The following ZNF527 variants were observed in gnomAD, a reference collection of about 807,000 sequenced individuals.
ZNF527 encodes zinc finger protein 527.
A neutral mutation model predicts 13.5 loss-of-function variants in ZNF527; 5 were observed. The ratio of observed to expected loss-of-function variants is 0.37; its 90% CI spans 0.19 to 0.78. The LOEUF is 0.78. Ranked by LOEUF, ZNF527 falls within the 30% of genes least tolerant of loss-of-function variation. The probability of loss-of-function intolerance (pLI) is 0.48; values close to 1 mark genes in which losing one functional copy is unlikely to be tolerated. For missense variants in ZNF527, 628 were observed against 726.4 expected, an observed-to-expected ratio of 0.86 and a Z score of 1.56; for synonymous variants, 209 against 243.1, an observed-to-expected ratio of 0.86 and a Z score of 1.30.
At chr19:37,373,441 A>G (rs2040574825) in intron 1 of ZNF527, among the ~76,000 whole-genome samples, 2 of 152,150 alleles carry the variant, frequency 1.3e-5, no homozygotes, top group Admixed American at 1.3e-4. Context: ...TTATTTATTC[A>G]TTTATCTAAT....
intron 2 of ZNF527, among the ~76,000 whole-genome samples, chr19:37,378,178 C>A (rs1193194649): frequency 1.3e-5 from 2 of 152,020 alleles, no homozygotes; most frequent in Non-Finnish European, 2.9e-5. Context: ...CAGGCACATA[C>A]CACCATGTCC....
rs1050024983 is a variant in ZNF527, at chr19:37,386,140, C to CTTTTTTT, written c.257-2150_257-2144dup. Among the ~76,000 whole-genome samples, 433 of 72,432 alleles carry CTTTTTTT rather than the reference C, an allele frequency of 6.0e-3. 53 individuals are homozygous for CTTTTTTT. The highest frequency in any genetic ancestry group is 0.024 in the African/African-American group (355 of 14,824). 47.5% of individuals were successfully genotyped at this position (72,432 alleles called of 152,430 possible). ...TAGAACTTTCTTTTCTCTTCTTTTC[C>CTTTTTTT]TTTTTTTTTTTTTTTTTTTTTTGAG... On this transcript the variant is annotated intron_variant, in intron 4 of 4. Transcript: ENST00000436120.
chr19:37,385,584 G>T (rs1267211617), intron 4 of ZNF527: 1 of 368,046 alleles, frequency 2.7e-6, no homozygotes, highest in Non-Finnish European at 4.8e-6. Flanking sequence ...TTTTGTCCAA[G>T]TTTATTTAAA....
intron 1 of ZNF527, 142 bp from the exon 2 acceptor site, chr19:37,374,016 C>T (rs1288481928): frequency 2.0e-6 from 1 of 495,086 alleles, no homozygotes; most frequent in East Asian, 3.3e-5. Flanking sequence ...TTGGATTCCA[C>T]CCCGCCACCC....
chr19:37,389,964 T>C lies in ZNF527; in HGVS notation c.*85T>C. The C allele has an allele frequency of 6.9e-7, 1 of 1,457,856 alleles. No homozygotes were observed. Among genetic ancestry groups the C allele is most frequent in the East Asian group, 2.3e-5 (1 of 43,802 alleles). The allele number at this position is 1,457,856 out of a possible 1,614,324, so 90.3% of individuals were successfully genotyped here. On this transcript the variant is annotated 3_prime_UTR_variant, in exon 5 of 5. Transcript: ENST00000436120. ...TGAGTTCTTTTTGGTTAGTAATTCT[T>C]TGAATGTAGTTCATATTTCAGTTCA...
In ZNF527 at chr19:37,389,409, C is replaced by T. The variant is rs1484242594; in HGVS notation, c.1360C>T (p.Arg454Cys). Residue 454 changes from arginine (R) to cysteine (C), a missense_variant, in exon 5 of 5, where the codon CGC (arginine) becomes TGC (cysteine). Arg to Cys is a radical substitution (Grantham distance 180). Around this residue, in one of 3 missense-constraint regions of ZNF527, gnomAD observed 592 missense variants for 678.0 expected, o/e 0.87. Transcript: ENST00000436120. ...CSECGKTFGY[R>C]SHLNQHQRIH... The stretch of plus-strand genomic sequence containing the variant: ...TGAATGTGGGAAGACCTTTGGCTAT[C>T]GCTCACACCTGAATCAACATCAGAG... 1.2e-5 allele frequency: 19 copies of T among 1,613,144 alleles called. No homozygotes were observed. The highest frequency in any genetic ancestry group is 1.4e-5 in the Non-Finnish European group (17 of 1,179,826).
intron 4 of ZNF527, chr19:37,385,771 A>C (rs893703976): frequency 6.5e-6 from 1 of 153,640 alleles, no homozygotes; most frequent in Admixed American, 6.5e-5. Flanking sequence ...ATTTTGTAGG[A>C]CTTTTTTTGT....
chr19:37,381,313 T>C (rs564883498), intron 4 of ZNF527, among the ~76,000 whole-genome samples: 59 of 152,328 alleles, frequency 3.9e-4, no homozygotes, highest in Non-Finnish European at 7.1e-4. Flanking sequence ...ACATATTAGG[T>C]GATCTATCCA....
At position 37,374,164 on chromosome 19, in the gene ZNF527, GTTC is replaced by G. The variant is rs750236944; in HGVS notation, c.-28_-26del. The G allele has an allele frequency of 1.4e-4, 225 of 1,609,772 alleles. No individual in the cohort carries two copies. Among genetic ancestry groups the G allele is most frequent in the Non-Finnish European group, 1.8e-4 (215 of 1,176,280 alleles). ...ATTAACTCTCCCTTCTCAGGACTTT[GTTC>G]TTCTTCAGAAGAGAAAACTGAAGAA... On this transcript the variant is annotated 5_prime_UTR_variant, in exon 2 of 5. Coordinates refer to ENST00000436120, the MANE Select transcript of ZNF527 (RefSeq NM_032453.2).
Position 37,390,234 on chromosome 19 carries a change from G to T in ZNF527, c.*355G>T, listed in dbSNP as rs2082206281. On this transcript the variant is annotated 3_prime_UTR_variant, in exon 5 of 5. Transcript: ENST00000436120. ...AGTAGAGACGGGGTTTCACCACATT[G>T]GTCAGGCTGATCTCGAACTCCTGAC... 2 of 183,804 alleles carry T rather than the reference G, an allele frequency of 1.1e-5. No individual in the cohort carries two copies. Among genetic ancestry groups the T allele is most frequent in the South Asian group, 1.1e-4 (1 of 9,156 alleles). The allele number at this position is 183,804 out of a possible 1,614,324, so 11.4% of individuals were successfully genotyped here.
At chr19:37,381,496 G>T (rs887939624) in intron 4 of ZNF527, among the ~76,000 whole-genome samples, 1 of 152,146 alleles carries the variant, frequency 6.6e-6, no homozygotes, top group African/African-American at 2.4e-5. Context: ...AAATAATGTT[G>T]TATCTCTCTC....
chr19:37,381,248 C>A (rs114557576), intron 4 of ZNF527, among the ~76,000 whole-genome samples: 2,366 of 152,160 alleles, frequency 0.016, 50 homozygotes, highest in African/African-American at 0.053. Flanking sequence ...ATATACATAA[C>A]CCTAATCCAG....
At position 37,392,236 on chromosome 19, in the gene ZNF527, G is replaced by A. The variant is rs1384653700; in HGVS notation, c.*2357G>A. 1 of 151,714 alleles carries A rather than the reference G, an allele frequency of 6.6e-6. No individual in the cohort carries two copies. Among genetic ancestry groups the A allele is most frequent in the African/African-American group, 2.4e-5 (1 of 41,266 alleles). The allele number at this position is 151,714 out of a possible 1,614,324, so 9.4% of individuals were successfully genotyped here. A position where few individuals can be genotyped will look rare whatever the true frequency, so the allele number is the denominator to read the frequency against. ...TTTATTTTTTATTATATTTCCTGGA[G>A]GTATAAGGATATTTATTTTTATAAT... is the stretch of plus-strand genomic sequence containing the variant. On this transcript the variant is annotated 3_prime_UTR_variant, in exon 5 of 5. Transcript: ENST00000436120.
chr19:37,378,383 C>CT (rs1416478895), intron 2 of ZNF527, among the ~76,000 whole-genome samples: 1 of 151,990 alleles, frequency 6.6e-6, no homozygotes, highest in Non-Finnish European at 1.5e-5. Context: ...TACTGGAACC[C>CT]TATCATTTTT....
chr19:37,374,911 C>G (rs1477125754), intron 2 of ZNF527, among the ~76,000 whole-genome samples: 1 of 152,170 alleles, frequency 6.6e-6, no homozygotes, highest in Non-Finnish European at 1.5e-5. Flanking sequence ...TTTTAGTAAT[C>G]CAGACAGGAG....
intron 2 of ZNF527, 145 bp from the exon 3 acceptor site, chr19:37,378,975 T>C: frequency 1.2e-6 from 1 of 861,692 alleles, no homozygotes; most frequent in Non-Finnish European, 1.7e-6. Flanking sequence ...TCTTAAAGTA[T>C]TTGACAAACC....
chr19:37,388,317 T>G lies in ZNF527; in HGVS notation c.268T>G (p.Trp90Gly). 6.2e-7 allele frequency: 1 copy of G among 1,611,840 alleles called. No homozygotes were observed. The highest frequency in any genetic ancestry group is 1.7e-4 in the Middle Eastern group (1 of 6,046). ...TTGATATTTTTCAGACTGGGAGTCTTGGTGTGAAATTGAGGAATTATCTCC... is the reference window on the plus strand; with the variant it reads ...TTGATATTTTTCAGACTGGGAGTCTGGGTGTGAAATTGAGGAATTATCTCC... ...SQGHCADWES[W>G]CEIEELSPKW... is the part of the protein sequence containing the mutation. Residue 90 changes from tryptophan (W) to glycine (G), a missense_variant, in exon 5 of 5, where the codon TGG becomes GGG. Physicochemically the swap from Trp to Gly is radical, Grantham distance 184. This residue lies in a region of ZNF527 where 592 missense variants were observed against 678.0 expected (regional missense o/e 0.87). Transcript: ENST00000436120.
Position 37,389,556 on chromosome 19 carries a change from TGTGGGAAAGCCTTCA to T in ZNF527, c.1511_1525del (p.Gly504_Ser508del), listed in dbSNP as rs768474771. The T allele has an allele frequency of 9.3e-6, 15 of 1,614,028 alleles. No homozygotes were observed. In the African/African-American group the frequency reaches 2.0e-4, roughly 22 times the overall value. Reference sequence around the variant, plus strand: ...AGAGAGACCATTTGAATGCAGTAAATGTGGGAAAGCCTTCAGTGATGCTTTAGTTCTAATTCACCA... The same window carrying T: ...AGAGAGACCATTTGAATGCAGTAAATGTGATGCTTTAGTTCTAATTCACCA... On this transcript the variant is annotated inframe_deletion, in exon 5 of 5. Transcript: ENST00000436120.
In ZNF527 at chr19:37,388,723, A is replaced by G. The variant is rs752629182; in HGVS notation, c.674A>G (p.Glu225Gly). Reference sequence around the variant, plus strand: ...GAATCTTTGATAGGTAATGAATGTGAAGAATTCAACCAGAGTACGTACCTT... The same window carrying G: ...GAATCTTTGATAGGTAATGAATGTGGAGAATTCAACCAGAGTACGTACCTT... ...EKESLIGNECEEFNQSTYLSK... is the reference protein window; with the variant it reads ...EKESLIGNECGEFNQSTYLSK... Residue 225 changes from glutamate (E) to glycine (G), a missense_variant, in exon 5 of 5, where the codon GAA becomes GGA. Physicochemically the swap from Glu to Gly is moderately conservative, Grantham distance 98. This residue lies in a region of ZNF527 where 592 missense variants were observed against 678.0 expected (regional missense o/e 0.87). Coordinates refer to ENST00000436120, the MANE Select transcript of ZNF527 (RefSeq NM_032453.2). The G allele has an allele frequency of 6.2e-7, 1 of 1,612,210 alleles. No individual in the cohort carries two copies. Among genetic ancestry groups the G allele is most frequent in the Non-Finnish European group, 8.5e-7 (1 of 1,179,500 alleles).
Sources: gnomAD v4.1 joint callset for allele counts (sites outside exome capture counted in the v4.1 genomes callset) on GRCh38, gnomAD v4.1.1 for gene constraint, gnomAD v4.1.1 regional missense constraint, MANE v1.5 for transcripts, NCBI Gene and HGNC (gene_info 2026-07-23, HGNC 2026-07-21) for gene names.